The following EIF2D variants were observed in gnomAD, a reference collection of about 807,000 sequenced individuals.
EIF2D encodes the protein hepatocellular carcinoma-associated antigen 56.
EIF2D carries 56 observed loss-of-function variants against 77.4 expected under a neutral mutation model. That is an observed-to-expected ratio of 0.72 (90% confidence interval 0.58 to 0.90). The LOEUF is 0.90. EIF2D is among the 40% of genes least tolerant of loss of function. The pLI is 0.00. For synonymous variants in EIF2D, 230 were observed against 271.0 expected (o/e 0.85, Z 1.49); for missense variants, 574 against 706.5 (o/e 0.81, Z 2.13).
At chr1:206,606,862 G>A (rs1670225024) in intron 4 of EIF2D, among the ~76,000 whole-genome samples, 1 of 152,234 alleles carries the variant, frequency 6.6e-6, no homozygotes, top group Admixed American at 6.5e-5. Flanking sequence ...CAGTATTGGT[G>A]AGAGTATAGG....
chr1:206,585,593 C>A, intron 2 of EIF2D: 1 of 252,570 alleles, frequency 4.0e-6, no homozygotes, highest in Non-Finnish European at 7.8e-6. Flanking sequence ...ACTCCCTGTG[C>A]TCAGGCACAG....
intron 7 of EIF2D, 68 bp from the exon 8 acceptor site, chr1:206,600,376 AGGAG>A: frequency 6.8e-7 from 1 of 1,467,616 alleles, no homozygotes; most frequent in African/African-American, 1.4e-5. Context: ...TGACACTGAG[AGGAG>A]GGCCTTTTTC....
rs782714368 is a variant in EIF2D, at chr1:206,584,680, A to T, written c.139-3518T>A. ...TTTTTAAGCGGATACACAAGGACGG[A>T]CAAGGTAGGAGAAAGAGTGAACCCA... On this transcript the variant is annotated intron_variant and NMD_transcript_variant, in intron 2 of 5. Coordinates refer to the EIF2D transcript ENST00000472709. This position sits in a 1 kb window ranked among gnomAD's most constrained non-coding sequence, Gnocchi z 4.9. 15 of 1,614,198 alleles carry T rather than the reference A, an allele frequency of 9.3e-6. No homozygotes were observed. The highest frequency in any genetic ancestry group is 3.3e-5 in the Admixed American group (2 of 60,014).
intron 4 of EIF2D, among the ~76,000 whole-genome samples, chr1:206,573,490 C>T (rs995618119): frequency 2.0e-5 from 3 of 152,214 alleles, no homozygotes; most frequent in African/African-American, 7.2e-5. Context: ...GTGCTTCTCT[C>T]ACGGAACTCA....
intron 14 of EIF2D, 113 bp downstream of exon 14, chr1:206,593,506 A>AGTGTGTGTGTGCGTGCGTGTGTGT (rs1286437460): frequency 2.3e-6 from 1 of 441,294 alleles, no homozygotes; most frequent in Non-Finnish European, 3.6e-6. Context: ...AGAGAGAGAG[A>AGTGTGTGTGTGCGTGCGTGTGTGT]GAGTGTGTGT....
intron 7 of EIF2D, chr1:206,602,095 T>C (rs1669953553): frequency 8.8e-6 from 4 of 453,700 alleles, no homozygotes; most frequent in Admixed American, 3.8e-5. Flanking sequence ...ATTTTAACTT[T>C]CCGGTCCTCA....
Position 206,608,428 on chromosome 1 carries a change from G to T in EIF2D, c.332-102C>A, listed in dbSNP as rs576103697. The T allele has an allele frequency of 3.9e-5, 34 of 863,944 alleles. No individual in the cohort carries two copies. In the East Asian group the frequency reaches 1.0e-3, roughly 26 times the overall value. 53.5% of individuals were successfully genotyped at this position (863,944 alleles called of 1,614,324 possible). ...TCGCTCAACAAAAAAATAGTTACTA[G>T]GTATCAACTATGTTTTTCATAATAA... On this transcript the variant is annotated intron_variant, in intron 3 of 14. Coordinates refer to ENST00000271764, the MANE Select transcript of EIF2D (RefSeq NM_006893.3).
intron 2 of EIF2D, among the ~76,000 whole-genome samples, chr1:206,581,798 G>A (rs1262945405): frequency 6.6e-6 from 1 of 152,164 alleles, no homozygotes; most frequent in Non-Finnish European, 1.5e-5. Context: ...AAAGTGGAAG[G>A]AAGTGATGGC....
At chr1:206,583,173 C>A in intron 2 of EIF2D, 1 of 804,598 alleles carries the variant, frequency 1.2e-6, no homozygotes, top group Non-Finnish European at 2.2e-6. Context: ...TGGATGCTCA[C>A]TTCTTGGTTA....
At chr1:206,597,287 T>A in intron 11 of EIF2D, 92 bp from the exon 12 acceptor site, 1 of 908,676 alleles carries the variant, frequency 1.1e-6, no homozygotes, top group Non-Finnish European at 1.7e-6. Flanking sequence ...ACGGCCTTTA[T>A]AGACATTCAG....
At chr1:206,595,660 AG>A in intron 13 of EIF2D, 57 bp downstream of exon 13, 1 of 1,585,004 alleles carries the variant, frequency 6.3e-7, no homozygotes, top group South Asian at 1.1e-5. Context: ...TAGGGAGACC[AG>A]AACTTGGCAA....
chr1:206,584,625 T>C lies in EIF2D; in HGVS notation c.139-3463A>G. The C allele has an allele frequency of 1.2e-6, 2 of 1,614,232 alleles. No individual in the cohort carries two copies. Among genetic ancestry groups the C allele is most frequent in the Non-Finnish European group, 1.7e-6 (2 of 1,180,044 alleles). Reference sequence around the variant, plus strand: ...ATCCAGGGGCTGCTCAAGAAGTTCATGGTTGTGGACAATCCCCAGAAGTTT... The same window carrying C: ...ATCCAGGGGCTGCTCAAGAAGTTCACGGTTGTGGACAATCCCCAGAAGTTT... On this transcript the variant is annotated intron_variant and NMD_transcript_variant, in intron 2 of 5. Transcript: ENST00000472709. The surrounding 1 kb of genome is among the most constrained non-coding windows in gnomAD (Gnocchi z 4.9).
chr1:206,575,861 C>T (rs923064003), intron 4 of EIF2D, among the ~76,000 whole-genome samples: 9 of 152,234 alleles, frequency 5.9e-5, no homozygotes, highest in Non-Finnish European at 1.0e-4. Context: ...ACACGGCTAA[C>T]GCCAAAGTCC....
intron 11 of EIF2D, among the ~76,000 whole-genome samples, chr1:206,597,459 G>A (rs1669705401): frequency 6.6e-6 from 1 of 152,232 alleles, no homozygotes; most frequent in African/African-American, 2.4e-5. Flanking sequence ...TGTGACCACA[G>A]CTTTCTAAGC....
At position 206,612,446 on chromosome 1, in the gene EIF2D, G is replaced by GGGGCCCGGCCGCGAAAA. The variant is rs1670553306; in HGVS notation, c.-121_-105dup. The GGGGCCCGGCCGCGAAAA allele has an allele frequency of 4.0e-6, 6 of 1,486,720 alleles. No homozygotes were observed. The highest frequency in any genetic ancestry group is 1.7e-4 in the Middle Eastern group (1 of 5,814). The allele number at this position is 1,486,720 out of a possible 1,614,324, so 92.1% of individuals were successfully genotyped here. On this transcript the variant is annotated 5_prime_UTR_variant, in exon 1 of 15. Transcript: ENST00000271764. ...CCTCAGCCGTGGGGGCAGCCATGCT[G>GGGGCCCGGCCGCGAAAA]GGGCCCGGCCGCGAAAAGGGCCCGG...
At chr1:206,595,911 G>C in intron 12 of EIF2D, 73 bp from the exon 13 acceptor site, 1 of 1,580,800 alleles carries the variant, frequency 6.3e-7, no homozygotes, top group South Asian at 1.2e-5. Flanking sequence ...ACTACCAGCA[G>C]GCAGTTAGGT....
chr1:206,593,486 A>AGAGT (rs59286399), intron 14 of EIF2D, 133 bp downstream of exon 14: 2 of 479,222 alleles, frequency 4.2e-6, no homozygotes, highest in African/African-American at 2.2e-5. Flanking sequence ...AGAGAGAGAG[A>AGAGT]GCGAGAGAGA....
chr1:206,593,883 C>T, intron 13 of EIF2D, 90 bp from the exon 14 acceptor site: 1 of 1,188,414 alleles, frequency 8.4e-7, no homozygotes, highest in Non-Finnish European at 1.2e-6. Flanking sequence ...GCCTTCTGAG[C>T]CCCTGTGTTC....
chr1:206,588,709 C>T (rs77899994), downstream of EIF2D: 15 of 152,740 alleles, frequency 9.8e-5, no homozygotes, highest in South Asian at 4.1e-4. Context: ...AACACAAGCT[C>T]GCAACTCTAA....
Sources: allele counts gnomAD v4.1 joint callset (sites outside exome capture counted in the v4.1 genomes callset), GRCh38; gene constraint gnomAD v4.1.1; non-coding constraint Gnocchi (gnomAD v3.1); transcripts MANE v1.5; gene names NCBI Gene and HGNC (gene_info 2026-07-23, HGNC 2026-07-21).